Variants in MANBA observed in about 807,000 individuals in gnomAD.
MANBA encodes the protein beta-mannosidase.
Under a neutral mutation model 111.1 loss-of-function variants are expected in MANBA, and 83 were observed. That is an observed-to-expected ratio of 0.75 (90% CI 0.63 to 0.90). The LOEUF is 0.90. Among genes scored for constraint, MANBA ranks in the 40% least tolerant of loss-of-function variants. The pLI, the probability that MANBA is intolerant of heterozygous loss-of-function variation, is 0.00. For synonymous variants in MANBA, 370 were observed against 378.7 expected (o/e 0.98, Z 0.27); for missense variants, 1,036 against 1,069.0 (o/e 0.97, Z 0.43).
intron 16 of MANBA, among the ~76,000 whole-genome samples, chr4:102,634,122 G>A (rs1352480500): frequency 1.3e-5 from 2 of 152,184 alleles, no homozygotes; most frequent in East Asian, 3.8e-4. Context: ...ACTGCTATGT[G>A]TAGGGGAGAA....
intron 2 of MANBA, among the ~76,000 whole-genome samples, chr4:102,724,508 G>C (rs1722717588): frequency 6.8e-6 from 1 of 146,142 alleles, no homozygotes; most frequent in African/African-American, 2.5e-5. Flanking sequence ...GCAGTGAGTG[G>C]ATATCCCACC....
intron 1 of MANBA, among the ~76,000 whole-genome samples, chr4:102,754,791 C>T (rs565018444): frequency 5.3e-4 from 80 of 152,178 alleles, no homozygotes; most frequent in African/African-American, 1.9e-3. Context: ...CTCCCGACCT[C>T]GTGATCTGCC....
intron 1 of MANBA, chr4:102,728,918 T>A: frequency 1.3e-6 from 1 of 752,936 alleles, no homozygotes; most frequent in East Asian, 2.6e-5. Context: ...ATCACCTGCA[T>A]AACCACTGGT....
intron 11 of MANBA, among the ~76,000 whole-genome samples, chr4:102,661,080 G>A (rs1730925930): frequency 6.6e-6 from 1 of 151,980 alleles, no homozygotes; most frequent in Admixed American, 6.6e-5. Context: ...CTTGCTCTTA[G>A]GCACCAGGCA....
chr4:102,654,942 T>C (rs779347434), intron 12 of MANBA, among the ~76,000 whole-genome samples: 4 of 152,130 alleles, frequency 2.6e-5, no homozygotes, highest in Non-Finnish European at 5.9e-5. Context: ...TAGAAAATGC[T>C]AAAGAATATC....
At chr4:102,688,786 C>A (rs1289852746) in intron 7 of MANBA, among the ~76,000 whole-genome samples, 2 of 152,000 alleles carry the variant, frequency 1.3e-5, no homozygotes, top group Non-Finnish European at 2.9e-5. Flanking sequence ...ATGGGTAAAA[C>A]TGAAAAATCA....
intron 5 of MANBA, 111 bp downstream of exon 5, chr4:102,714,327 T>A (rs1318171761): frequency 3.5e-6 from 4 of 1,129,182 alleles, no homozygotes; most frequent in Non-Finnish European, 5.2e-6. Flanking sequence ...TACCACAAAG[T>A]TTTTAAAAAT....
At chr4:102,689,738 G>T (rs1732392392) in intron 6 of MANBA, 54 bp from the exon 7 acceptor site, 1 of 1,021,548 alleles carries the variant, frequency 9.8e-7, no homozygotes, top group Non-Finnish European at 1.6e-6. Flanking sequence ...AGCAAAAAAG[G>T]CTCAAAGCAT....
At chr4:102,675,682 T>C (rs1230900927) in intron 7 of MANBA, among the ~76,000 whole-genome samples, 3 of 152,228 alleles carry the variant, frequency 2.0e-5, no homozygotes, top group African/African-American at 7.2e-5. Flanking sequence ...TTTAATAATA[T>C]TTTATCTTGT....
At chr4:102,678,140 A>G (rs1731806007) in intron 7 of MANBA, among the ~76,000 whole-genome samples, 1 of 152,170 alleles carries the variant, frequency 6.6e-6, no homozygotes, top group South Asian at 2.1e-4. Context: ...CACTTTCCAG[A>G]ATATTTTTCC....
rs377263684 is a variant in MANBA, at chr4:102,671,373, C to T, written c.1138G>A (p.Val380Met). 5 of 1,606,084 alleles carry T rather than the reference C, an allele frequency of 3.1e-6. No individual in the cohort carries two copies. In the African/African-American group the frequency reaches 6.7e-5, roughly 22 times the overall value. ...ELLRLLLQSVVDANMNTLRVW... is the reference protein window; with the variant it reads ...ELLRLLLQSVMDANMNTLRVW... The stretch of plus-strand genomic sequence containing the variant: ...CGAAGAGTATTCATATTAGCATCCA[C>T]AACAGACTGTAAAAGGAGCCGTAAC... Residue 380 changes from valine (V) to methionine (M), a missense_variant, in exon 9 of 17, where the codon GTG becomes ATG. Transcript: ENST00000647097.
intron 5 of MANBA, among the ~76,000 whole-genome samples, chr4:102,696,548 A>C (rs763683943): frequency 2.3e-4 from 35 of 152,332 alleles, no homozygotes; most frequent in Non-Finnish European, 3.5e-4. Flanking sequence ...GCAGTTAAGA[A>C]TACAGGATGG....
chr4:102,721,470 C>A (rs1308017051), intron 4 of MANBA, among the ~76,000 whole-genome samples: 1 of 152,046 alleles, frequency 6.6e-6, no homozygotes, highest in Non-Finnish European at 1.5e-5. Context: ...ATTTGTACAC[C>A]CATGTTCATA....
chr4:102,728,562 A>T (rs1722900099), intron 1 of MANBA: 3 of 406,932 alleles, frequency 7.4e-6, no homozygotes, highest in Non-Finnish European at 1.4e-5. Flanking sequence ...ACCAAAAAAA[A>T]AAAGCAATTG....
chr4:102,672,391 T>C (rs1352697667), intron 8 of MANBA, among the ~76,000 whole-genome samples: 1 of 152,220 alleles, frequency 6.6e-6, no homozygotes, highest in African/African-American at 2.4e-5. Flanking sequence ...CAGATCCAAT[T>C]AGGAAATATT....
intron 5 of MANBA, among the ~76,000 whole-genome samples, chr4:102,692,250 C>T (rs948041036): frequency 1.3e-5 from 2 of 152,026 alleles, no homozygotes; most frequent in African/African-American, 4.8e-5. Context: ...AAGCCAGGAA[C>T]AGAGAGGAGG....
rs1722952233 is a variant in MANBA at position 102,729,607 on chromosome 4, C to G, written c.178-2924G>C. On this transcript the variant is annotated intron_variant, in intron 1 of 16. Transcript: ENST00000647097. Reference sequence around the variant, plus strand: ...TTGATGAGGACAAATTCATTCTCCACCTCTGTACACTTATTGATCTCATCC... The same window carrying G: ...TTGATGAGGACAAATTCATTCTCCAGCTCTGTACACTTATTGATCTCATCC... The G allele has an allele frequency of 4.2e-6, 4 of 946,086 alleles. No homozygotes were observed. In the Admixed American group the frequency reaches 6.8e-5, roughly 16 times the overall value. The allele number at this position is 946,086 out of a possible 1,614,324, so 58.6% of individuals were successfully genotyped here.
At chr4:102,689,386 GTGTA>G (rs1560775149) in intron 7 of MANBA, among the ~76,000 whole-genome samples, 184 bp downstream of exon 7, 7 of 126,918 alleles carry the variant, frequency 5.5e-5, no homozygotes, top group Middle Eastern at 4.5e-3. Flanking sequence ...ATATGTGTGT[GTGTA>G]TATATATGTA....
Position 102,695,269 on chromosome 4 carries a change from C to CAA in MANBA, c.674-4500_674-4499dup, listed in dbSNP as rs57790115. On this transcript the variant is annotated intron_variant, in intron 5 of 16. Coordinates refer to ENST00000647097, the MANE Select transcript of MANBA (RefSeq NM_005908.4). Reference sequence around the variant, plus strand: ...TGTAGTTGGAGGGGGGACAAAAAGCCAAAAAAAAAGAAAAAAAGCTTTATT... The same window carrying CAA: ...TGTAGTTGGAGGGGGGACAAAAAGCCAAAAAAAAAAAGAAAAAAAGCTTTATT... 4.3e-5 allele frequency among the ~76,000 whole-genome samples: 6 copies of CAA among 139,448 alleles called. No homozygotes were observed. In the East Asian group the frequency reaches 6.2e-4, roughly 14 times the overall value. 91.5% of individuals were successfully genotyped at this position (139,448 alleles called of 152,430 possible). A position where few individuals can be genotyped will look rare whatever the true frequency, so the allele number is the denominator to read the frequency against.
Sources: allele counts gnomAD v4.1 joint callset (sites outside exome capture counted in the v4.1 genomes callset), GRCh38; gene constraint gnomAD v4.1.1; transcripts MANE v1.5; gene names NCBI Gene and HGNC (gene_info 2026-07-23, HGNC 2026-07-21).